ZMYM5: variants seen among roughly 807,000 people sequenced by gnomAD.
ZMYM5 encodes zinc finger MYM-type protein 5.
In ZMYM5, 41 loss-of-function variants were observed where a neutral mutation model predicts 61.8. The observed-to-expected ratio is 0.66, with a 90% confidence interval of 0.52 to 0.86. ZMYM5 has a LOEUF of 0.86. Among genes scored for constraint, ZMYM5 ranks in the 40% least tolerant of loss-of-function variants. The probability of loss-of-function intolerance (pLI) is 0.00; values close to 1 mark genes in which losing one functional copy is unlikely to be tolerated. For synonymous variants in ZMYM5, 257 were observed against 276.4 expected, an observed-to-expected ratio of 0.93 and a Z score of 0.70; for missense variants, 706 against 786.7, an observed-to-expected ratio of 0.90 and a Z score of 1.23.
At chr13:19,826,211 G>GT (rs1265117674) in intron 7 of ZMYM5, among the ~76,000 whole-genome samples, 1 of 151,996 alleles carries the variant, frequency 6.6e-6, no homozygotes, top group Non-Finnish European at 1.5e-5. Flanking sequence ...AATTAGATGG[G>GT]TATGGTGGCA....
intron 4 of ZMYM5, among the ~76,000 whole-genome samples, chr13:19,840,926 C>T (rs1952852888): frequency 6.6e-6 from 1 of 151,770 alleles, no homozygotes; most frequent in East Asian, 1.9e-4. Context: ...ATCCACCCGC[C>T]TTGGCCCCCC....
intron 4 of ZMYM5, among the ~76,000 whole-genome samples, chr13:19,842,998 T>C (rs1039783311): frequency 1.4e-5 from 2 of 147,724 alleles, no homozygotes; most frequent in East Asian, 4.1e-4. Context: ...TTTTTTTACA[T>C]GGACATGGAG....
At chr13:19,834,700 C>CT (rs151078989) in intron 7 of ZMYM5, among the ~76,000 whole-genome samples, 14,874 of 151,756 alleles carry the variant, frequency 0.098, 842 homozygotes, top group African/African-American at 0.16. Flanking sequence ...TAACCTTTTT[C>CT]TTTTTTTTGA....
intron 4 of ZMYM5, among the ~76,000 whole-genome samples, chr13:19,840,009 G>T (rs1952811495): frequency 6.6e-6 from 1 of 152,180 alleles, no homozygotes; most frequent in African/African-American, 2.4e-5. Flanking sequence ...TGGGAATCTT[G>T]TTTAAATGGA....
chr13:19,852,105 T>C lies in ZMYM5; in HGVS notation c.76A>G (p.Thr26Ala). The change falls in exon 3 of 8, where the codon ACT (threonine) becomes GCT (alanine). Residue 26 changes from threonine to alanine, a missense_variant. Physicochemically the swap from Thr to Ala is moderately conservative, Grantham distance 58. Coordinates refer to ENST00000337963, the MANE Select transcript of ZMYM5 (RefSeq NM_001142684.2). ...PALLGNMAMA[T>A]SLMDIGDSFG... The stretch of plus-strand genomic sequence containing the variant: ...GAATCCCCTATGTCCATGAGACTAG[T>C]TGCCATGGCCATATTCCCTAATAAA... 3.7e-6 allele frequency: 6 copies of C among 1,613,702 alleles called. No individual in the cohort carries two copies. The highest frequency in any genetic ancestry group is 5.1e-6 in the Non-Finnish European group (6 of 1,179,992).
chr13:19,824,476 A>T lies in ZMYM5; in HGVS notation c.*1T>A. On this transcript the variant is annotated 3_prime_UTR_variant, in exon 8 of 8. Transcript: ENST00000337963. ...TCATGCCAAAAAACAACTCAGGTAT[A>T]TTACGTGTACAACAACAGCACACCA... is the stretch of plus-strand genomic sequence containing the variant. 1 of 1,290,116 alleles carries T rather than the reference A, an allele frequency of 7.8e-7. No individual in the cohort carries two copies. The highest frequency in any genetic ancestry group is 1.0e-6 in the Non-Finnish European group (1 of 991,548). 79.9% of individuals were successfully genotyped at this position (1,290,116 alleles called of 1,614,324 possible). A position where few individuals can be genotyped will look rare whatever the true frequency, so the allele number is the denominator to read the frequency against.
At chr13:19,826,123 G>A in intron 7 of ZMYM5, among the ~76,000 whole-genome samples, 1 of 150,748 alleles carries the variant, frequency 6.6e-6, no homozygotes, top group South Asian at 2.1e-4. Flanking sequence ...TAAGATCCTG[G>A]TGGGAAATGT....
intron 4 of ZMYM5, among the ~76,000 whole-genome samples, chr13:19,849,308 A>G (rs921297318): frequency 6.6e-6 from 1 of 151,964 alleles, no homozygotes; most frequent in Non-Finnish European, 1.5e-5. Context: ...CTTTTTATAG[A>G]GATGAGGTCT....
intron 2 of ZMYM5, among the ~76,000 whole-genome samples, chr13:19,856,491 T>C (rs1953515521): frequency 6.6e-6 from 1 of 151,640 alleles, no homozygotes; most frequent in African/African-American, 2.4e-5. Flanking sequence ...AAATACAAAA[T>C]TAGCCAAGCG....
intron 7 of ZMYM5, among the ~76,000 whole-genome samples, chr13:19,830,767 CCA>C (rs1282360037): frequency 6.6e-6 from 1 of 152,046 alleles, no homozygotes. Flanking sequence ...CTCAAGCGAT[CCA>C]CTCGCCTCAG....
At position 19,824,421 on chromosome 13, in the gene ZMYM5, T is replaced by A; in HGVS notation, c.*56A>T. On this transcript the variant is annotated 3_prime_UTR_variant, in exon 8 of 8. Transcript: ENST00000337963. ...ATAGTACTGACTATTGCAGGACAGA[T>A]GTTTTCTGAGTAATGTAAGATTCTG... The A allele has an allele frequency of 8.0e-7, 1 of 1,248,572 alleles. No homozygotes were observed. The highest frequency in any genetic ancestry group is 1.5e-5 in the South Asian group (1 of 64,660). 77.3% of individuals were successfully genotyped at this position (1,248,572 alleles called of 1,614,324 possible). A position where few individuals can be genotyped will look rare whatever the true frequency, so the allele number is the denominator to read the frequency against.
At chr13:19,858,414 G>A (rs967613206) in intron 2 of ZMYM5, among the ~76,000 whole-genome samples, 4 of 151,504 alleles carry the variant, frequency 2.6e-5, no homozygotes, top group African/African-American at 4.8e-5. Flanking sequence ...GCGAAACCTT[G>A]TCTCTACAAA....
chr13:19,856,327 C>T lies in ZMYM5; in HGVS notation c.-10-4137G>A, dbSNP rs189179195. Among the ~76,000 whole-genome samples, 781 of 152,102 alleles carry T rather than the reference C, an allele frequency of 5.1e-3. 3 individuals carry two copies. Among genetic ancestry groups the T allele is most frequent in the Admixed American group, 0.012 (181 of 15,268 alleles). Reference sequence around the variant, plus strand: ...GCAAATCCCTGGCATATGGCCTGGTCCATATCAGAGAGTGCAAAAAACATC... The same window carrying T: ...GCAAATCCCTGGCATATGGCCTGGTTCATATCAGAGAGTGCAAAAAACATC... On this transcript the variant is annotated intron_variant, in intron 2 of 7. Transcript: ENST00000337963.
chr13:19,856,023 C>CAA (rs555571425), intron 2 of ZMYM5, among the ~76,000 whole-genome samples: 1 of 139,112 alleles, frequency 7.2e-6, no homozygotes, highest in East Asian at 2.1e-4. Flanking sequence ...ATCTCAAAAA[C>CAA]AAAAAAAAAA....
chr13:19,856,377 A>T (rs1953510389), intron 2 of ZMYM5, among the ~76,000 whole-genome samples: 1 of 152,134 alleles, frequency 6.6e-6, no homozygotes, highest in Admixed American at 6.6e-5. Flanking sequence ...CAGATGGCTC[A>T]TGTCTGTAAT....
At chr13:19,860,292 ATTT>A (rs1176148584) in intron 2 of ZMYM5, among the ~76,000 whole-genome samples, 5 of 130,082 alleles carry the variant, frequency 3.8e-5, no homozygotes, top group Non-Finnish European at 6.7e-5. Context: ...CACCCGTTTA[ATTT>A]TTTTTTTTTT....
chr13:19,854,230 G>A (rs1317814428), intron 2 of ZMYM5, among the ~76,000 whole-genome samples: 1 of 151,896 alleles, frequency 6.6e-6, no homozygotes, highest in African/African-American at 2.4e-5. Flanking sequence ...GCATGGTCTT[G>A]ATCTCTTGAC....
Position 19,851,747 on chromosome 13 carries a change from C to T in ZMYM5, c.434G>A (p.Gly145Glu), listed in dbSNP as rs760543043. The change falls in exon 3 of 8, where the codon GGA (glycine) becomes GAA (glutamate). Residue 145 changes from glycine (G) to glutamate (E), a missense_variant. Coordinates refer to ENST00000337963, the MANE Select transcript of ZMYM5 (RefSeq NM_001142684.2). ...SSCFIEWGLP[G>E]TKNKTNDLDF... is the part of the protein sequence containing the mutation. ...CAAATCGTTGGTTTTGTTTTTAGTT[C>T]CAGGAAGTCCCCATTCGATAAAACA... 21 of 1,592,004 alleles carry T rather than the reference C, an allele frequency of 1.3e-5. No homozygotes were observed. In the East Asian group the frequency reaches 2.2e-4, roughly 17 times the overall value.
intron 6 of ZMYM5, 123 bp from the exon 7 acceptor site, chr13:19,835,812 T>C (rs1034537999): frequency 9.0e-6 from 6 of 666,888 alleles, no homozygotes; most frequent in African/African-American, 7.7e-5. Context: ...GAGGAAGATA[T>C]ACCCAGGGAA....
Sources: gnomAD v4.1 joint callset for allele counts (sites outside exome capture counted in the v4.1 genomes callset) on GRCh38, gnomAD v4.1.1 for gene constraint, MANE v1.5 for transcripts, NCBI Gene and HGNC (gene_info 2026-07-23, HGNC 2026-07-21) for gene names.